The following TBC1D22A variants were observed in gnomAD, a reference collection of about 807,000 sequenced individuals.
TBC1D22A encodes putative GTPase activator.
A neutral mutation model predicts 60.2 loss-of-function variants in TBC1D22A; 38 were observed. That is an observed-to-expected ratio of 0.63 (90% confidence interval 0.49 to 0.83). The LOEUF is 0.83. Among genes scored for constraint, TBC1D22A ranks in the 40% least tolerant of loss-of-function variants. TBC1D22A has a pLI of 0.00. For missense variants in TBC1D22A, 628 were observed against 701.0 expected (o/e 0.90, Z 1.18); for synonymous variants, 302 against 281.7 (o/e 1.07, Z -0.72).
rs757512868 is a variant in TBC1D22A at position 46,878,678 on chromosome 22, C to T, written c.663C>T (p.Ser221=). The T allele has an allele frequency of 1.4e-5, 22 of 1,613,086 alleles. No homozygotes were observed. Among genetic ancestry groups the T allele is most frequent in the Admixed American group, 3.3e-5 (2 of 59,994 alleles). Reference sequence around the variant, plus strand: ...AGGAATTACGGAGGTTGAGCTGGTCCGGAATCCCTAAGCCAGTGCGTCCAA... The same window carrying T: ...AGGAATTACGGAGGTTGAGCTGGTCTGGAATCCCTAAGCCAGTGCGTCCAA... The part of the protein sequence containing the change: ...DLEELRRLSW[S]GIPKPVRPMT... The change falls in exon 5 of 13, where the codon TCC becomes TCT. Residue 221 remains serine (S), a synonymous_variant. Transcript: ENST00000337137.
At chr22:47,079,084 C>CATTTTTTTT (rs1556117651) in intron 11 of TBC1D22A, among the ~76,000 whole-genome samples, 1 of 124,962 alleles carries the variant, frequency 8.0e-6, no homozygotes, top group Non-Finnish European at 1.6e-5. Flanking sequence ...GTAGAGCAGA[C>CATTTTTTTT]TTTTTTTTTT....
At position 47,086,238 on chromosome 22, in the gene TBC1D22A, G is replaced by A. The variant is rs527935171; in HGVS notation, c.1330-25270G>A. Among the ~76,000 whole-genome samples the A allele has an allele frequency of 3.9e-5, 6 of 152,300 alleles. 1 individual carries two copies. Among genetic ancestry groups the A allele is most frequent in the African/African-American group, 1.4e-4 (6 of 41,570 alleles). On this transcript the variant is annotated intron_variant, in intron 11 of 12. Transcript: ENST00000337137. ...CCAGCACTTTGGGAGGCTGAGGTGG[G>A]CGGATCATCTGAGGTCGGGAGTTTG...
At chr22:46,829,347 T>C (rs2086208453) in intron 4 of TBC1D22A, among the ~76,000 whole-genome samples, 1 of 152,184 alleles carries the variant, frequency 6.6e-6, no homozygotes, top group African/African-American at 2.4e-5. Context: ...TTGGGATGTC[T>C]TGAAAATGTA....
chr22:46,970,547 A>G (rs575988988), intron 8 of TBC1D22A, among the ~76,000 whole-genome samples: 33 of 152,200 alleles, frequency 2.2e-4, no homozygotes, highest in African/African-American at 5.1e-4. Flanking sequence ...GAGCATCCCA[A>G]TGCTGGTCAA....
chr22:47,141,719 C>T (rs757003691), intron 12 of TBC1D22A, among the ~76,000 whole-genome samples: 5 of 152,162 alleles, frequency 3.3e-5, no homozygotes, highest in African/African-American at 9.7e-5. Flanking sequence ...CTCTTTCCTA[C>T]GTTGCTTGTA....
At chr22:47,142,573 C>CGCATTCACCTACCCAT (rs1166323289) in intron 12 of TBC1D22A, among the ~76,000 whole-genome samples, 21 of 117,490 alleles carry the variant, frequency 1.8e-4, no homozygotes, top group African/African-American at 7.3e-4. Context: ...TATCCACCTA[C>CGCATTCACCTACCCAT]CCATTCACCC....
intron 4 of TBC1D22A, among the ~76,000 whole-genome samples, chr22:46,815,744 G>C (rs143098137): frequency 6.6e-6 from 1 of 152,322 alleles, no homozygotes; most frequent in African/African-American, 2.4e-5. Flanking sequence ...CATGTTGAGA[G>C]ACCAGGCAAA....
At chr22:46,774,330 C>T in intron 1 of TBC1D22A, 4 of 889,472 alleles carry the variant, frequency 4.5e-6, no homozygotes, top group African/African-American at 1.8e-5. Context: ...TGCCTGGGCT[C>T]TTCCCATTTC....
intron 9 of TBC1D22A, among the ~76,000 whole-genome samples, chr22:46,979,326 C>T (rs1024045781): frequency 1.3e-5 from 2 of 152,236 alleles, no homozygotes; most frequent in African/African-American, 2.4e-5. Flanking sequence ...GCAACAAACA[C>T]AGTTCCTTGT....
chr22:46,967,107 A>C (rs905035383), intron 8 of TBC1D22A, among the ~76,000 whole-genome samples: 1 of 152,216 alleles, frequency 6.6e-6, no homozygotes, highest in South Asian at 2.1e-4. Context: ...CCAAGCTTAC[A>C]GCCGTGGAGC....
intron 1 of TBC1D22A, among the ~76,000 whole-genome samples, chr22:46,766,637 G>C (rs1472257391): frequency 1.3e-5 from 2 of 152,186 alleles, no homozygotes; most frequent in Non-Finnish European, 2.9e-5. Context: ...CCGGGTTCAA[G>C]TGATCTTCCT....
intron 10 of TBC1D22A, among the ~76,000 whole-genome samples, chr22:47,019,374 T>G (rs745994789): frequency 7.9e-5 from 12 of 152,206 alleles, no homozygotes; most frequent in Non-Finnish European, 1.6e-4. Flanking sequence ...AGGTCCTTCT[T>G]AGGGAACTCT....
Position 46,912,126 on chromosome 22 carries a change from A to G in TBC1D22A, c.953A>G (p.Tyr318Cys). Residue 318 changes from tyrosine (Y) to cysteine (C), a missense_variant, in exon 8 of 13, where the codon TAC becomes TGC. Transcript: ENST00000337137. ...IWAIRHPASG[Y>C]VQGINDLVTP... ...GCGATCCGCCACCCAGCCAGTGGAT[A>G]CGTTCAGGGTATAAATGATCTCGTC... 6.2e-7 allele frequency: 1 copy of G among 1,614,104 alleles called. No individual in the cohort carries two copies. Among genetic ancestry groups the G allele is most frequent in the Non-Finnish European group, 8.5e-7 (1 of 1,179,996 alleles).
At chr22:46,998,732 CTG>C (rs1470672240) in intron 10 of TBC1D22A, among the ~76,000 whole-genome samples, 4 of 152,378 alleles carry the variant, frequency 2.6e-5, no homozygotes, top group Admixed American at 2.0e-4. Context: ...ATTTTTAACT[CTG>C]TGTCTCATGG....
At chr22:47,144,277 G>A (rs979411961) in intron 12 of TBC1D22A, among the ~76,000 whole-genome samples, 3 of 152,204 alleles carry the variant, frequency 2.0e-5, no homozygotes, top group Non-Finnish European at 4.4e-5. Flanking sequence ...TCTAGTGGCC[G>A]CAGCCGCCCG....
intron 7 of TBC1D22A, among the ~76,000 whole-genome samples, chr22:46,909,180 A>G (rs1285760493): frequency 6.6e-6 from 1 of 152,158 alleles, no homozygotes; most frequent in Non-Finnish European, 1.5e-5. Context: ...TATAGCCTTG[A>G]GAAAGTGTGT....
chr22:46,850,637 A>G (rs559034083), intron 4 of TBC1D22A, among the ~76,000 whole-genome samples: 5 of 152,360 alleles, frequency 3.3e-5, no homozygotes, highest in Non-Finnish European at 5.9e-5. Context: ...AAACAGTTCA[A>G]CATAGAGCTG....
intron 4 of TBC1D22A, among the ~76,000 whole-genome samples, chr22:46,836,247 A>G (rs1365294127): frequency 3.3e-5 from 5 of 152,274 alleles, no homozygotes; most frequent in Non-Finnish European, 7.3e-5. Flanking sequence ...AAAAATATTA[A>G]AATAACTGTA....
At chr22:46,766,143 G>A (rs375516257) in intron 1 of TBC1D22A, among the ~76,000 whole-genome samples, 13 of 151,996 alleles carry the variant, frequency 8.6e-5, no homozygotes, top group Non-Finnish European at 1.8e-4. Flanking sequence ...GACTACAGGC[G>A]CCTGCCACCA....
Sources: gnomAD v4.1 joint callset for allele counts (sites outside exome capture counted in the v4.1 genomes callset) on GRCh38, gnomAD v4.1.1 for gene constraint, MANE v1.5 for transcripts, NCBI Gene and HGNC (gene_info 2026-07-23, HGNC 2026-07-21) for gene names.